The following DPP10 variants were observed in gnomAD, a reference collection of about 807,000 sequenced individuals.
The protein encoded by DPP10 is inactive dipeptidyl peptidase 10.
In DPP10, 33 loss-of-function variants were observed where a neutral mutation model predicts 120.9. The observed-to-expected ratio is 0.27, with a 90% confidence interval of 0.21 to 0.37. DPP10 has a LOEUF of 0.37. Among genes scored for constraint, DPP10 ranks in the 10% least tolerant of loss-of-function variants. The pLI is 1.00. For synonymous variants in DPP10, 337 were observed against 326.1 expected (o/e 1.03, Z -0.36); for missense variants, 816 against 942.8 (o/e 0.87, Z 1.76).
intron 10 of DPP10, among the ~76,000 whole-genome samples, chr2:115,748,334 A>G (rs1316444894): frequency 6.6e-6 from 1 of 151,850 alleles, no homozygotes; most frequent in African/African-American, 2.4e-5. Context: ...GTTTCTCAGT[A>G]CAGTTATAAA....
intron 1 of DPP10, among the ~76,000 whole-genome samples, chr2:114,601,044 C>T (rs758903851): frequency 4.0e-5 from 6 of 151,882 alleles, no homozygotes; most frequent in South Asian, 2.1e-4. Flanking sequence ...CTGTAGCAAA[C>T]GACTCACATT....
chr2:114,886,527 T>C (rs761075663), intron 1 of DPP10, among the ~76,000 whole-genome samples: 2 of 152,224 alleles, frequency 1.3e-5, no homozygotes, highest in African/African-American at 2.4e-5. Flanking sequence ...TAGTGAAAAG[T>C]ACCGTGATCT....
intron 5 of DPP10, among the ~76,000 whole-genome samples, chr2:115,673,142 T>G (rs2090035981): frequency 6.6e-6 from 1 of 152,194 alleles, no homozygotes; most frequent in South Asian, 2.1e-4. Context: ...TGGAAAATTT[T>G]TTCCTCTACT....
intron 1 of DPP10, among the ~76,000 whole-genome samples, chr2:114,845,195 C>A (rs1435139275): frequency 2.0e-5 from 3 of 152,122 alleles, no homozygotes; most frequent in Non-Finnish European, 4.4e-5. Flanking sequence ...GCATTGGACT[C>A]AACCCACATA....
intron 1 of DPP10, among the ~76,000 whole-genome samples, chr2:115,085,079 G>A (rs1253430686): frequency 6.6e-6 from 1 of 152,114 alleles, no homozygotes; most frequent in South Asian, 2.1e-4. Context: ...GTGCCCCCTG[G>A]CTTATCTCTT....
At chr2:115,699,750 T>G (rs2091801730) in intron 7 of DPP10, among the ~76,000 whole-genome samples, 1 of 152,222 alleles carries the variant, frequency 6.6e-6, no homozygotes, top group Non-Finnish European at 1.5e-5. Flanking sequence ...AGATCAATTT[T>G]TCTTATGAAC....
chr2:115,448,578 T>A (rs2072830198), intron 3 of DPP10, among the ~76,000 whole-genome samples: 1 of 152,152 alleles, frequency 6.6e-6, no homozygotes, highest in African/African-American at 2.4e-5. Context: ...AAGAAAAGTA[T>A]TGCTTACTAT....
At chr2:115,318,772 A>G (rs2061920021) in intron 2 of DPP10, among the ~76,000 whole-genome samples, 1 of 152,074 alleles carries the variant, frequency 6.6e-6, no homozygotes, top group Non-Finnish European at 1.5e-5. Context: ...TGTACTCTTC[A>G]ACTTTGTTGA....
At chr2:115,548,533 G>T (rs1316844890) in intron 5 of DPP10, among the ~76,000 whole-genome samples, 2 of 152,088 alleles carry the variant, frequency 1.3e-5, no homozygotes, top group South Asian at 2.1e-4. Context: ...GTGATGCAAT[G>T]AGGAGCTTGT....
intron 1 of DPP10, among the ~76,000 whole-genome samples, chr2:115,225,959 TA>T (rs1412842214): frequency 1.3e-5 from 2 of 152,176 alleles, no homozygotes; most frequent in African/African-American, 4.8e-5. Flanking sequence ...CGCTACCTTT[TA>T]TTACTCACTA....
chr2:114,981,729 T>C (rs950492382), intron 1 of DPP10, among the ~76,000 whole-genome samples: 4 of 151,708 alleles, frequency 2.6e-5, no homozygotes, highest in Admixed American at 6.6e-5. Context: ...TACAAGCTCA[T>C]GCCATCATGC....
intron 1 of DPP10, among the ~76,000 whole-genome samples, chr2:115,099,130 CAAAAAAAA>C (rs55815168): frequency 4.0e-5 from 3 of 74,802 alleles, no homozygotes; most frequent in African/African-American, 1.4e-4. Context: ...GCTAAAAATA[CAAAAAAAA>C]AAAAAAAAGA....
chr2:114,795,410 G>T (rs1402276093), intron 1 of DPP10, among the ~76,000 whole-genome samples: 2 of 151,996 alleles, frequency 1.3e-5, no homozygotes, highest in African/African-American at 4.8e-5. Flanking sequence ...AGAATCGCTT[G>T]AACCTGGGAG....
At chr2:114,858,299 G>A (rs1179345635) in intron 1 of DPP10, among the ~76,000 whole-genome samples, 1 of 152,132 alleles carries the variant, frequency 6.6e-6, no homozygotes, top group African/African-American at 2.4e-5. Flanking sequence ...GCCGCTTGGC[G>A]TTTTAAACCT....
intron 1 of DPP10, among the ~76,000 whole-genome samples, chr2:114,632,283 G>T (rs1321466847): frequency 6.6e-6 from 1 of 152,010 alleles, no homozygotes; most frequent in Non-Finnish European, 1.5e-5. Flanking sequence ...TTGGGGAATT[G>T]TGAGTACTCT....
chr2:115,327,077 T>A (rs1435037251), intron 2 of DPP10, among the ~76,000 whole-genome samples: 21 of 152,060 alleles, frequency 1.4e-4, no homozygotes, highest in Admixed American at 1.4e-3. Flanking sequence ...ATTCTTTTTA[T>A]CATTTATAAT....
intron 3 of DPP10, among the ~76,000 whole-genome samples, chr2:115,486,772 G>A (rs1001303679): frequency 4.6e-5 from 7 of 151,942 alleles, no homozygotes; most frequent in African/African-American, 1.7e-4. Context: ...CTATCTTTTT[G>A]CAAATAATCC....
intron 1 of DPP10, among the ~76,000 whole-genome samples, chr2:114,863,376 C>T (rs750998767): frequency 8.5e-5 from 13 of 152,136 alleles, no homozygotes; most frequent in Non-Finnish European, 1.5e-4. Context: ...GGGTTAGAGT[C>T]GATCAAAAGT....
chr2:114,709,521 T>C (rs1029225557), intron 1 of DPP10, among the ~76,000 whole-genome samples: 3 of 152,236 alleles, frequency 2.0e-5, no homozygotes, highest in African/African-American at 7.2e-5. Flanking sequence ...AGATAGGTGA[T>C]CATCATTCAA....
Sources: gnomAD v4.1 joint callset for allele counts (sites outside exome capture counted in the v4.1 genomes callset) on GRCh38, gnomAD v4.1.1 for gene constraint, MANE v1.5 for transcripts, NCBI Gene and HGNC (gene_info 2026-07-23, HGNC 2026-07-21) for gene names.